METTL15: variants seen among roughly 807,000 people sequenced by gnomAD.
The protein encoded by METTL15 is methyltransferase 15, mitochondrial 12S rRNA N4-cytidine.
A neutral mutation model predicts 38.3 loss-of-function variants in METTL15; 34 were observed. That is an observed-to-expected ratio of 0.89 (90% CI 0.68 to 1.18). The LOEUF (loss-of-function observed/expected upper bound fraction) is 1.18. METTL15 is among the 50% of genes most tolerant of loss of function. The probability of loss-of-function intolerance (pLI) is 0.00; values close to 1 mark genes in which losing one functional copy is unlikely to be tolerated. For synonymous variants in METTL15, 162 were observed against 170.9 expected (o/e 0.95, Z 0.41); for missense variants, 438 against 498.4 (o/e 0.88, Z 1.15).
intron 4 of METTL15, among the ~76,000 whole-genome samples, chr11:28,258,712 G>A (rs192517666): frequency 2.3e-3 from 354 of 152,190 alleles, no homozygotes; most frequent in Non-Finnish European, 4.0e-3. Flanking sequence ...CTTAAGGTAC[G>A]AGGGCTCTTT....
chr11:28,462,939 A>C (rs1007082361), intron 6 of METTL15, among the ~76,000 whole-genome samples: 1 of 152,106 alleles, frequency 6.6e-6, no homozygotes, highest in African/African-American at 2.4e-5. Context: ...TAGAGGCAGA[A>C]TCAACAAGAC....
chr11:28,326,780 T>TTTTTGG (rs1555036712), intron 6 of METTL15, among the ~76,000 whole-genome samples: 2 of 151,730 alleles, frequency 1.3e-5, no homozygotes, highest in South Asian at 4.2e-4. Flanking sequence ...TTTGTTTTTG[T>TTTTTGG]TTTTTGGTTT....
chr11:28,523,324 C>T (rs2133514100), intron 6 of METTL15, among the ~76,000 whole-genome samples: 1 of 152,284 alleles, frequency 6.6e-6, no homozygotes, highest in East Asian at 1.9e-4. Flanking sequence ...TAATATATGT[C>T]ATTACATAGT....
chr11:28,191,299 C>G (rs985629717), intron 3 of METTL15, among the ~76,000 whole-genome samples: 1 of 150,402 alleles, frequency 6.6e-6, no homozygotes, highest in African/African-American at 2.4e-5. Flanking sequence ...TTAAATTACC[C>G]TTTCTTTCTC....
intron 5 of METTL15, among the ~76,000 whole-genome samples, chr11:28,376,858 G>T (rs1043255310): frequency 2.8e-5 from 4 of 144,720 alleles, no homozygotes; most frequent in Admixed American, 7.3e-5. Context: ...AGGCCTGGTG[G>T]TGCCAAAATC....
Position 28,211,200 on chromosome 11 carries a change from T to C in METTL15, c.407+2T>C. The stretch of plus-strand genomic sequence containing the variant: ...TGAACATCTTTCAGAGTTGTATCCG[T>C]AAGTAATACCCTTGCATATTTATTT... On this transcript the variant is annotated splice_donor_variant, in intron 4 of 6. Transcript: ENST00000407364. LOFTEE classifies it high-confidence loss of function. 6.2e-7 allele frequency: 1 copy of C among 1,606,944 alleles called. No individual in the cohort carries two copies. The highest frequency in any genetic ancestry group is 8.5e-7 in the Non-Finnish European group (1 of 1,177,210).
chr11:28,139,715 G>T (rs975290083), intron 3 of METTL15, among the ~76,000 whole-genome samples: 1 of 151,358 alleles, frequency 6.6e-6, no homozygotes, highest in Admixed American at 6.6e-5. Flanking sequence ...GGTGTCTTGT[G>T]AGTTGGGGTC....
intron 3 of METTL15, among the ~76,000 whole-genome samples, chr11:28,205,387 G>A (rs1460797583): frequency 6.6e-6 from 1 of 151,686 alleles, no homozygotes; most frequent in Non-Finnish European, 1.5e-5. Context: ...ATAGTTTACT[G>A]AGAATGATAA....
chr11:28,442,543 C>T (rs1198613978), intron 6 of METTL15, among the ~76,000 whole-genome samples: 1 of 152,256 alleles, frequency 6.6e-6, no homozygotes, highest in Middle Eastern at 3.4e-3. Context: ...TAACACAAAG[C>T]TACATTTTGA....
chr11:28,207,910 A>G (rs568982103), intron 3 of METTL15, among the ~76,000 whole-genome samples: 22 of 151,920 alleles, frequency 1.4e-4, no homozygotes, highest in South Asian at 4.2e-4. Flanking sequence ...GGTGTTTGTA[A>G]TATTCTCTGA....
chr11:28,270,156 T>G (rs1300899346), intron 4 of METTL15, among the ~76,000 whole-genome samples: 1 of 152,206 alleles, frequency 6.6e-6, no homozygotes, highest in Non-Finnish European at 1.5e-5. Context: ...TATTTTTCTT[T>G]GGAAAATTCA....
At chr11:28,134,400 T>A in intron 3 of METTL15, 1 of 396,168 alleles carries the variant, frequency 2.5e-6, no homozygotes, top group Non-Finnish European at 4.4e-6. Context: ...GTATGTGGGC[T>A]CTTAGTTGGC....
At chr11:28,278,659 AC>A (rs1855932986) in intron 4 of METTL15, among the ~76,000 whole-genome samples, 1 of 152,056 alleles carries the variant, frequency 6.6e-6, no homozygotes, top group Non-Finnish European at 1.5e-5. Context: ...TTCAGTCCTT[AC>A]CTCTCTCTTG....
chr11:28,313,055 T>G (rs1245999916), intron 6 of METTL15, among the ~76,000 whole-genome samples: 1 of 151,876 alleles, frequency 6.6e-6, no homozygotes. Flanking sequence ...TATCACTGAG[T>G]AATAGAAAAA....
At chr11:28,274,549 T>G (rs551904431) in intron 4 of METTL15, among the ~76,000 whole-genome samples, 1 of 152,008 alleles carries the variant, frequency 6.6e-6, no homozygotes, top group Non-Finnish European at 1.5e-5. Context: ...ATTAAACTTA[T>G]TTTATATTAA....
intron 4 of METTL15, among the ~76,000 whole-genome samples, chr11:28,259,912 G>A (rs577800736): frequency 5.9e-5 from 9 of 152,082 alleles, no homozygotes; most frequent in Non-Finnish European, 1.3e-4. Flanking sequence ...CTGCCATCTT[G>A]TTCCACTTCC....
intron 3 of METTL15, among the ~76,000 whole-genome samples, chr11:28,156,726 C>T (rs1325081775): frequency 6.6e-6 from 1 of 152,034 alleles, no homozygotes; most frequent in Non-Finnish European, 1.5e-5. Flanking sequence ...TGCCTGTAGA[C>T]AAATTTGTTT....
At chr11:28,163,300 A>C (rs1174751891) in intron 3 of METTL15, 3 of 397,470 alleles carry the variant, frequency 7.5e-6, no homozygotes, top group Non-Finnish European at 1.3e-5. Context: ...GTATGGCATA[A>C]ATTCTAAATA....
At chr11:28,374,595 A>G (rs1275697661) in intron 5 of METTL15, among the ~76,000 whole-genome samples, 9 of 135,086 alleles carry the variant, frequency 6.7e-5, no homozygotes, top group African/African-American at 1.8e-4. Context: ...TAGATATACA[A>G]TCATGTCATC....
Sources: gnomAD v4.1 joint callset for allele counts (sites outside exome capture counted in the v4.1 genomes callset) on GRCh38, gnomAD v4.1.1 for gene constraint, MANE v1.5 for transcripts, NCBI Gene and HGNC (gene_info 2026-07-23, HGNC 2026-07-21) for gene names.